DNAJC13: variants seen among roughly 807,000 people sequenced by gnomAD.
The protein encoded by DNAJC13 is dnaJ homolog subfamily C member 13.
DNAJC13 carries 75 observed loss-of-function variants against 290.5 expected under a neutral mutation model. The observed-to-expected ratio is 0.26, with a 90% CI of 0.21 to 0.31. DNAJC13 has a LOEUF of 0.31. Ranked by LOEUF, DNAJC13 falls within the 10% of genes least tolerant of loss-of-function variation. The pLI, the probability that DNAJC13 is intolerant of heterozygous loss-of-function variation, is 1.00. For synonymous variants in DNAJC13, 862 were observed against 892.0 expected (o/e 0.97, Z 0.60); for missense variants, 2,260 against 2,674.5 (o/e 0.85, Z 3.42).
chr3:132,487,559 ATTT>A (rs10663131), intron 29 of DNAJC13, among the ~76,000 whole-genome samples: 11 of 110,492 alleles, frequency 1.0e-4, no homozygotes, highest in African/African-American at 1.6e-4. Context: ...CCTGGCTGTA[ATTT>A]TTTTTTTTTT....
At chr3:132,432,629 C>T (rs2107647832) in intron 1 of DNAJC13, among the ~76,000 whole-genome samples, 1 of 152,320 alleles carries the variant, frequency 6.6e-6, no homozygotes, top group Admixed American at 6.5e-5. Context: ...ATTTTCAAAA[C>T]CTATCAGTCT....
At position 132,538,575 on chromosome 3, in the gene DNAJC13, A is replaced by G. The variant is rs17412738; in HGVS notation, c.*293A>G. ...TACAAAACTGTGAATCAAAAAGACA[A>G]AACTTTCTTCCTAGTTTTTGTAATT... On this transcript the variant is annotated 3_prime_UTR_variant, in exon 56 of 56. Transcript: ENST00000260818. The G allele has an allele frequency of 0.096, 20,625 of 214,488 alleles. 1,201 individuals are homozygous for G. The highest frequency in any genetic ancestry group is 0.14 in the South Asian group (865 of 6,326). 13.3% of individuals were successfully genotyped at this position (214,488 alleles called of 1,614,324 possible). A position where few individuals can be genotyped will look rare whatever the true frequency, so the allele number is the denominator to read the frequency against.
intron 46 of DNAJC13, 165 bp downstream of exon 46, chr3:132,514,835 T>C: frequency 1.8e-6 from 1 of 560,930 alleles, no homozygotes; most frequent in Non-Finnish European, 3.1e-6. Flanking sequence ...TACGTTACTG[T>C]CTTGCATTTC....
At position 132,466,047 on chromosome 3, in the gene DNAJC13, A is replaced by C; in HGVS notation, c.1945A>C (p.Thr649Pro). ...GLWTADNATATNLLKRILPPG... is the reference protein window; with the variant it reads ...GLWTADNATAPNLLKRILPPG... ...CTGGACAGCTGATAATGCAACTGCA[A>C]CAAACTTGTTGAAACGCATTTTGGT... The change falls in exon 18 of 56, where the codon ACA (threonine) becomes CCA (proline). Residue 649 changes from threonine to proline, a missense_variant. Transcript: ENST00000260818. The C allele has an allele frequency of 1.2e-6, 2 of 1,614,058 alleles. No individual in the cohort carries two copies. The highest frequency in any genetic ancestry group is 1.7e-6 in the Non-Finnish European group (2 of 1,179,906).
At position 132,492,488 on chromosome 3, in the gene DNAJC13, T is replaced by C. The variant is rs1935088062; in HGVS notation, c.3698T>C (p.Leu1233Pro). 1.9e-6 allele frequency: 3 copies of C among 1,613,898 alleles called. No individual in the cohort carries two copies. Among genetic ancestry groups the C allele is most frequent in the Non-Finnish European group, 2.5e-6 (3 of 1,179,848 alleles). Residue 1233 changes from leucine (L) to proline (P), a missense_variant, in exon 33 of 56, where the codon CTT becomes CCT. By Grantham distance (98) the Leu-to-Pro change is moderately conservative. Coordinates refer to ENST00000260818, the MANE Select transcript of DNAJC13 (RefSeq NM_015268.4). The part of the protein sequence containing the change: ...TPRLQSNTRA[L>P]YQYCPIPIIN... ...CGTCTTCAGAGTAACACAAGAGCAC[T>C]TTATCAGTATTGCCCCATTCCTATA...
In DNAJC13 at chr3:132,488,582, G is replaced by T. The variant is rs906369517; in HGVS notation, c.3422+130G>T. ...AATTGTAAAGGCTATTTAAGTACAT[G>T]TCTAAAGAGTTGGAAAGCAGAAGAA... On this transcript the variant is annotated intron_variant, in intron 30 of 55. Coordinates refer to ENST00000260818, the MANE Select transcript of DNAJC13 (RefSeq NM_015268.4). The T allele has an allele frequency of 5.3e-6, 5 of 950,446 alleles. No homozygotes were observed. The African/African-American group carries it at 6.7e-5, about 13-fold the overall frequency. 58.9% of individuals were successfully genotyped at this position (950,446 alleles called of 1,614,324 possible).
chr3:132,488,194 A>G, intron 29 of DNAJC13, 104 bp from the exon 30 acceptor site: 1 of 1,034,584 alleles, frequency 9.7e-7, no homozygotes, highest in East Asian at 2.7e-5. Flanking sequence ...TTTTTATTTT[A>G]TAATTTACAT....
In DNAJC13 at chr3:132,493,148, C is replaced by T. The variant is rs1044195020; in HGVS notation, c.3825+533C>T. 2.0e-5 allele frequency among the ~76,000 whole-genome samples: 3 copies of T among 151,598 alleles called. No homozygotes were observed. In the South Asian group the frequency reaches 6.3e-4, roughly 32 times the overall value. ...ATTCACATAAGCATAATTCCTGGCA[C>T]GCGTAAGAGGCAATGAGTGCGACCT... On this transcript the variant is annotated intron_variant, in intron 33 of 55. Coordinates refer to ENST00000260818, the MANE Select transcript of DNAJC13 (RefSeq NM_015268.4).
intron 28 of DNAJC13, chr3:132,484,330 TA>T: frequency 1.9e-6 from 1 of 522,166 alleles, no homozygotes; most frequent in South Asian, 1.7e-5. Flanking sequence ...TTTAATCAAT[TA>T]AATAATAAAT....
At chr3:132,452,381 G>A (rs1210985924) in intron 6 of DNAJC13, among the ~76,000 whole-genome samples, 4 of 152,124 alleles carry the variant, frequency 2.6e-5, no homozygotes, top group Middle Eastern at 3.2e-3. Context: ...TGCATCTATG[G>A]TGACTATAAA....
Position 132,522,666 on chromosome 3 carries a change from C to T in DNAJC13, c.5674-162C>T, listed in dbSNP as rs2305625. Among the ~76,000 whole-genome samples the T allele has an allele frequency of 0.093, 14,112 of 152,064 alleles. 816 individuals carry two copies. The highest frequency in any genetic ancestry group is 0.14 in the Middle Eastern group (40 of 294). ...TATTTAAAGGTACCTTTGCATAAAC[C>T]GAGGATTATCTTTTTCACTCCAGAA... On this transcript the variant is annotated intron_variant, in intron 48 of 55. Coordinates refer to ENST00000260818, the MANE Select transcript of DNAJC13 (RefSeq NM_015268.4).
In DNAJC13 at chr3:132,482,214, T is replaced by A. The variant is rs772669784; in HGVS notation, c.2875-12T>A. ...TGCCTTGGAAAATAATTTAAATCTT[T>A]TTTAAACTTAGAGCAATGTAATTGA... On this transcript the variant is annotated splice_polypyrimidine_tract_variant and intron_variant, in intron 26 of 55. Transcript: ENST00000260818. The A allele has an allele frequency of 6.3e-7, 1 of 1,598,338 alleles. No homozygotes were observed. The highest frequency in any genetic ancestry group is 1.8e-5 in the Admixed American group (1 of 57,036).
chr3:132,473,080 G>A, intron 20 of DNAJC13, 65 bp from the exon 21 acceptor site: 1 of 1,056,730 alleles, frequency 9.5e-7, no homozygotes, highest in Non-Finnish European at 1.4e-6. Context: ...ATAAATTGAT[G>A]ATCTTCTGAC....
At position 132,480,453 on chromosome 3, in the gene DNAJC13, G is replaced by C; in HGVS notation, c.2857G>C (p.Ala953Pro). The C allele has an allele frequency of 6.2e-7, 1 of 1,612,220 alleles. No homozygotes were observed. Among genetic ancestry groups the C allele is most frequent in the Non-Finnish European group, 8.5e-7 (1 of 1,178,636 alleles). ...CCTTGCACATCTCCATGTAAGCCGA[G>C]CTACAGTACCACTGCAAGTACGTAT... Reference protein sequence around the residue: ...LTLAHLHVSRATVPLQSNVIE... With the variant: ...LTLAHLHVSRPTVPLQSNVIE... The change falls in exon 26 of 56, where the codon GCT (alanine) becomes CCT (proline). Residue 953 changes from alanine (A) to proline (P), a missense_variant. Around this residue, in one of 3 missense-constraint regions of DNAJC13, gnomAD observed 1,494 missense variants for 1,693.7 expected, o/e 0.88. Coordinates refer to ENST00000260818, the MANE Select transcript of DNAJC13 (RefSeq NM_015268.4).
rs796122164 is a variant in DNAJC13 at position 132,474,826 on chromosome 3, C to CTTTTTTTTTTTT, written c.2292-99_2292-88dup. On this transcript the variant is annotated intron_variant, in intron 21 of 55. Transcript: ENST00000260818. Reference sequence around the variant, plus strand: ...TGCTAAAATCTATTCCCCCCCCCCCCTTTTTTTTTTTTTTTTTTGCTTATT... The same window carrying CTTTTTTTTTTTT: ...TGCTAAAATCTATTCCCCCCCCCCCCTTTTTTTTTTTTTTTTTTTTTTTTTTTTTTGCTTATT... 8.5e-5 allele frequency: 4 copies of CTTTTTTTTTTTT among 47,026 alleles called. 1 individual carries two copies. The highest frequency in any genetic ancestry group is 7.7e-5 in the Non-Finnish European group (2 of 26,050). The allele number at this position is 47,026 out of a possible 1,614,324, so 2.9% of individuals were successfully genotyped here.
intron 38 of DNAJC13, 26 bp downstream of exon 38, chr3:132,499,834 G>A: frequency 1.9e-6 from 3 of 1,599,988 alleles, no homozygotes; most frequent in Non-Finnish European, 2.6e-6. Flanking sequence ...GTGGTTCCAA[G>A]AAAATTGCAC....
At chr3:132,471,578 C>T (rs1399350538) in intron 20 of DNAJC13, among the ~76,000 whole-genome samples, 6 of 137,712 alleles carry the variant, frequency 4.4e-5, no homozygotes, top group Non-Finnish European at 7.9e-5. Flanking sequence ...GGGTCTCGGC[C>T]GGGCAGAGGC....
rs188642372 is a variant in DNAJC13 at position 132,501,711 on chromosome 3, G to C, written c.4537-578G>C. ...GACCTGCTGAGGAAGGTTGACTGTGGGTAGATGAGATAGATGACTGGGAGG... is the reference window on the plus strand; with the variant it reads ...GACCTGCTGAGGAAGGTTGACTGTGCGTAGATGAGATAGATGACTGGGAGG... On this transcript the variant is annotated intron_variant, in intron 39 of 55. Transcript: ENST00000260818. 1.4e-3 allele frequency among the ~76,000 whole-genome samples: 218 copies of C among 152,226 alleles called. 2 individuals are homozygous for C. The highest frequency in any genetic ancestry group is 4.6e-3 in the African/African-American group (191 of 41,550).
chr3:132,427,821 G>C (rs1400477835), intron 1 of DNAJC13, among the ~76,000 whole-genome samples: 4 of 149,610 alleles, frequency 2.7e-5, no homozygotes, highest in Non-Finnish European at 6.0e-5. Flanking sequence ...ATCTCATTTA[G>C]TCCTCACCAT....
Sources: gnomAD v4.1 joint callset for allele counts (sites outside exome capture counted in the v4.1 genomes callset) on GRCh38, gnomAD v4.1.1 for gene constraint, gnomAD v4.1.1 regional missense constraint, MANE v1.5 for transcripts, NCBI Gene and HGNC (gene_info 2026-07-23, HGNC 2026-07-21) for gene names.